The following ACER3 variants were observed in gnomAD, a reference collection of about 807,000 sequenced individuals.
ACER3 encodes the protein alkCDase 3.
A neutral mutation model predicts 48.9 loss-of-function variants in ACER3; 16 were observed. The ratio of observed to expected loss-of-function variants is 0.33; its 90% CI spans 0.22 to 0.50. The LOEUF (loss-of-function observed/expected upper bound fraction) is 0.50. Ranked by LOEUF, ACER3 falls within the 20% of genes least tolerant of loss-of-function variation. The pLI is 0.98. For synonymous variants in ACER3, 109 were observed against 107.8 expected (o/e 1.01, Z -0.07); for missense variants, 227 against 326.0 (o/e 0.70, Z 2.34).
At chr11:77,018,971 G>T (rs1230569224) in intron 9 of ACER3, among the ~76,000 whole-genome samples, 1 of 152,250 alleles carries the variant, frequency 6.6e-6, no homozygotes, top group Non-Finnish European at 1.5e-5. Flanking sequence ...CAGAGTTTCA[G>T]TGTAGATGAA....
chr11:76,929,937 TG>T (rs1946948056), intron 2 of ACER3, among the ~76,000 whole-genome samples: 1 of 152,224 alleles, frequency 6.6e-6, no homozygotes, highest in Admixed American at 6.5e-5. Context: ...TCTCTTTTTT[TG>T]TTGTGTCTCT....
intron 2 of ACER3, among the ~76,000 whole-genome samples, chr11:76,938,742 A>G (rs969628453): frequency 2.0e-5 from 3 of 152,198 alleles, no homozygotes; most frequent in Middle Eastern, 3.2e-3. Context: ...TAGAGGTATC[A>G]GCATGATTTT....
At chr11:76,992,957 C>T (rs1948833911) in intron 6 of ACER3, among the ~76,000 whole-genome samples, 1 of 151,986 alleles carries the variant, frequency 6.6e-6, no homozygotes, top group Non-Finnish European at 1.5e-5. Flanking sequence ...CAGCCTTGAC[C>T]TCCTGGGCTC....
chr11:76,958,305 G>A (rs924461237), intron 2 of ACER3, among the ~76,000 whole-genome samples: 5 of 150,242 alleles, frequency 3.3e-5, no homozygotes, highest in African/African-American at 1.2e-4. Context: ...TCTTGCCTCA[G>A]CCTCCCGAGT....
intron 1 of ACER3, among the ~76,000 whole-genome samples, chr11:76,897,582 C>T (rs1417733501): frequency 3.3e-5 from 5 of 152,096 alleles, no homozygotes; most frequent in African/African-American, 9.7e-5. Context: ...TCATCTCTGA[C>T]ATCATCAGAA....
At chr11:76,920,325 C>T (rs979505560) in intron 1 of ACER3, among the ~76,000 whole-genome samples, 55 of 152,290 alleles carry the variant, frequency 3.6e-4, no homozygotes, top group African/African-American at 1.3e-3. Context: ...CCCTAGAGGG[C>T]AGAGTTCTGA....
At chr11:76,874,741 G>A (rs1384330832) in intron 1 of ACER3, among the ~76,000 whole-genome samples, 1 of 152,102 alleles carries the variant, frequency 6.6e-6, no homozygotes, top group Non-Finnish European at 1.5e-5. Context: ...AGGTGGGGAC[G>A]GGGGCAGTTA....
chr11:76,989,712 T>C (rs2135220560), intron 5 of ACER3, among the ~76,000 whole-genome samples: 1 of 152,318 alleles, frequency 6.6e-6, no homozygotes, highest in South Asian at 2.1e-4. Flanking sequence ...GAAGGAATCA[T>C]GGAAGGATTT....
rs10565723 is a variant in ACER3 at position 77,022,868 on chromosome 11, C to CAAAAAAAAAAAA, written c.*2554_*2565dup. The CAAAAAAAAAAAA allele has an allele frequency of 1.4e-5, 4 of 276,176 alleles. No individual in the cohort carries two copies. Among genetic ancestry groups the CAAAAAAAAAAAA allele is most frequent in the African/African-American group, 7.2e-5 (3 of 41,414 alleles). 17.1% of individuals were successfully genotyped at this position (276,176 alleles called of 1,614,324 possible). A position where few individuals can be genotyped will look rare whatever the true frequency, so the allele number is the denominator to read the frequency against. ...ATGGTGGCAGAGCGAGACTCCGTCT[C>CAAAAAAAAAAAA]AAAAAAAAAAAAAAAAAAAAAAAAG... is the stretch of plus-strand genomic sequence containing the variant. On this transcript the variant is annotated 3_prime_UTR_variant, in exon 11 of 11. Transcript: ENST00000532485.
intron 1 of ACER3, among the ~76,000 whole-genome samples, chr11:76,875,174 T>TG (rs1945341334): frequency 7.4e-6 from 1 of 135,430 alleles, no homozygotes; most frequent in South Asian, 2.6e-4. Context: ...AGTGCAGTGG[T>TG]GAGATCTTGG....
chr11:76,895,110 T>C (rs1330870117), intron 1 of ACER3, among the ~76,000 whole-genome samples: 2 of 152,150 alleles, frequency 1.3e-5, no homozygotes, highest in Non-Finnish European at 2.9e-5. Flanking sequence ...ATTTAATTGA[T>C]CTCAAGATAA....
At chr11:76,907,354 T>C (rs1946261275) in intron 1 of ACER3, among the ~76,000 whole-genome samples, 1 of 121,204 alleles carries the variant, frequency 8.3e-6, no homozygotes. Context: ...AGCAAATTTA[T>C]TGTGAAACTA....
intron 1 of ACER3, among the ~76,000 whole-genome samples, chr11:76,881,417 A>T (rs1381694212): frequency 6.6e-6 from 1 of 151,942 alleles, no homozygotes; most frequent in Non-Finnish European, 1.5e-5. Flanking sequence ...TCTGCATTTT[A>T]ACAAATTATT....
chr11:76,902,813 G>A (rs1431321950), intron 1 of ACER3, among the ~76,000 whole-genome samples: 1 of 152,204 alleles, frequency 6.6e-6, no homozygotes, highest in Non-Finnish European at 1.5e-5. Flanking sequence ...AGATGCTCGT[G>A]AGACTTGAGC....
chr11:76,897,694 A>G (rs1383569873), intron 1 of ACER3, among the ~76,000 whole-genome samples: 2 of 152,132 alleles, frequency 1.3e-5, no homozygotes, highest in Admixed American at 1.3e-4. Context: ...AAAGGAAAAT[A>G]CACTTATTTG....
intron 2 of ACER3, chr11:76,957,360 T>G: frequency 3.3e-6 from 1 of 305,138 alleles, no homozygotes; most frequent in Non-Finnish European, 6.7e-6. Flanking sequence ...TTTTTTAAAT[T>G]TTGGATATTA....
chr11:76,994,988 C>A (rs1300434337), intron 6 of ACER3, among the ~76,000 whole-genome samples: 1 of 151,852 alleles, frequency 6.6e-6, no homozygotes, highest in Non-Finnish European at 1.5e-5. Context: ...AAGTAAAAGG[C>A]CAAGGAAAGA....
chr11:77,008,740 T>C (rs1323022101), intron 7 of ACER3, among the ~76,000 whole-genome samples: 3 of 152,186 alleles, frequency 2.0e-5, no homozygotes, highest in Non-Finnish European at 4.4e-5. Context: ...ATCCTTTAAA[T>C]GCCCAGATGA....
intron 7 of ACER3, among the ~76,000 whole-genome samples, chr11:77,004,354 C>T (rs1949091696): frequency 6.6e-6 from 1 of 152,216 alleles, no homozygotes; most frequent in African/African-American, 2.4e-5. Context: ...AGTTATCTCC[C>T]AGGAGCCAGT....
Sources: gnomAD v4.1 joint callset for allele counts (sites outside exome capture counted in the v4.1 genomes callset) on GRCh38, gnomAD v4.1.1 for gene constraint, MANE v1.5 for transcripts, NCBI Gene and HGNC (gene_info 2026-07-23, HGNC 2026-07-21) for gene names.